The following PPP1R17 variants were observed in gnomAD, a reference collection of about 807,000 sequenced individuals.
PPP1R17 encodes the protein G-substrate.
Under a neutral mutation model 15.9 loss-of-function variants are expected in PPP1R17, and 12 were observed. The ratio of observed to expected loss-of-function variants is 0.75; its 90% confidence interval spans 0.48 to 1.22. PPP1R17 has a LOEUF of 1.22. Among genes scored for constraint, PPP1R17 ranks in the 50% most tolerant of loss-of-function variants. The pLI, the probability that PPP1R17 is intolerant of heterozygous loss-of-function variation, is 0.00. For synonymous variants in PPP1R17, 63 were observed against 64.5 expected (o/e 0.98, Z 0.11); for missense variants, 211 against 187.3 (o/e 1.13, Z -0.74).
At position 31,707,339 on chromosome 7, in the gene PPP1R17, C is replaced by A; in HGVS notation, c.*56C>A. 2.1e-6 allele frequency: 3 copies of A among 1,454,802 alleles called. No homozygotes were observed. The highest frequency in any genetic ancestry group is 3.9e-5 in the Admixed American group (2 of 50,778). 90.1% of individuals were successfully genotyped at this position (1,454,802 alleles called of 1,614,324 possible). On this transcript the variant is annotated 3_prime_UTR_variant, in exon 5 of 5. Coordinates refer to ENST00000342032, the MANE Select transcript of PPP1R17 (RefSeq NM_006658.5). ...GGTTAGATTGGTTCCCTGTGGTGAC[C>A]TAGAGAAAAAATAGACTTGTTTCTG...
At chr7:31,700,717 C>T (rs549413731) in intron 4 of PPP1R17, among the ~76,000 whole-genome samples, 24 of 152,174 alleles carry the variant, frequency 1.6e-4, no homozygotes, top group Admixed American at 1.2e-3. Context: ...GGGGATAATG[C>T]CCCGGTGACT....
At chr7:31,695,673 G>C (rs1160343828) in intron 3 of PPP1R17, 52 bp downstream of exon 3, 36 of 1,541,222 alleles carry the variant, frequency 2.3e-5, no homozygotes, top group Non-Finnish European at 3.1e-5. Context: ...CTTGCCACTA[G>C]GTTGCATTGT....
Position 31,696,952 on chromosome 7 carries a change from C to A in PPP1R17, c.236-13C>A, listed in dbSNP as rs200654787. The A allele has an allele frequency of 2.3e-4, 366 of 1,613,112 alleles. No homozygotes were observed. In the African/African-American group the frequency reaches 4.4e-3, roughly 19 times the overall value. On this transcript the variant is annotated splice_polypyrimidine_tract_variant and intron_variant, in intron 3 of 4. Transcript: ENST00000342032. The stretch of plus-strand genomic sequence containing the variant: ...TTGATCCTGTTTCTCTCTGTGTTCC[C>A]CTAACCATGCAGGTGTGTTTTCAGA...
At chr7:31,703,938 C>T (rs561657258) in intron 4 of PPP1R17, among the ~76,000 whole-genome samples, 5 of 152,312 alleles carry the variant, frequency 3.3e-5, no homozygotes, top group Admixed American at 3.3e-4. Flanking sequence ...CCTACAGTTG[C>T]CAGGGGCCCT....
At chr7:31,690,374 A>G (rs1056630675) in intron 1 of PPP1R17, among the ~76,000 whole-genome samples, 7 of 152,212 alleles carry the variant, frequency 4.6e-5, no homozygotes, top group Non-Finnish European at 1.0e-4. Flanking sequence ...TTTACAGATG[A>G]GGAAACTCAG....
At chr7:31,705,092 C>G (rs1248656499) in intron 4 of PPP1R17, among the ~76,000 whole-genome samples, 1 of 152,042 alleles carries the variant, frequency 6.6e-6, no homozygotes, top group Non-Finnish European at 1.5e-5. Flanking sequence ...GCTGGTTCAC[C>G]CTCTACTTGA....
chr7:31,698,844 G>T (rs556284496), intron 4 of PPP1R17, among the ~76,000 whole-genome samples: 1 of 152,302 alleles, frequency 6.6e-6, no homozygotes, highest in South Asian at 2.1e-4. Context: ...TTTAAGCAGA[G>T]ACCTCAGGAA....
rs748310389 is a variant in PPP1R17 at position 31,695,456 on chromosome 7, C to T, written c.83-13C>T. The T allele has an allele frequency of 4.4e-6, 7 of 1,588,786 alleles. No homozygotes were observed. Among genetic ancestry groups the T allele is most frequent in the Non-Finnish European group, 6.0e-6 (7 of 1,171,272 alleles). On this transcript the variant is annotated splice_polypyrimidine_tract_variant and intron_variant, in intron 2 of 4. Coordinates refer to ENST00000342032, the MANE Select transcript of PPP1R17 (RefSeq NM_006658.5). ...GTTATATTCTTTATTTCTTTGTATC[C>T]TGTCAAAATTAGATGATCTTTCAGA...
chr7:31,692,860 G>A (rs181846932), intron 2 of PPP1R17, among the ~76,000 whole-genome samples: 6 of 152,280 alleles, frequency 3.9e-5, no homozygotes, highest in Admixed American at 3.9e-4. Context: ...CTTGTTTCCA[G>A]TATTTCCTGA....
chr7:31,705,005 C>G (rs936182844), intron 4 of PPP1R17, among the ~76,000 whole-genome samples: 21 of 152,118 alleles, frequency 1.4e-4, no homozygotes, highest in African/African-American at 5.1e-4. Flanking sequence ...TCCATGAAAT[C>G]AAGATTTCTA....
intron 4 of PPP1R17, among the ~76,000 whole-genome samples, chr7:31,704,006 C>A (rs1365270644): frequency 2.0e-5 from 3 of 152,104 alleles, no homozygotes; most frequent in African/African-American, 7.2e-5. Flanking sequence ...TCTGGGTAAC[C>A]AAGGCCTGCT....
intron 3 of PPP1R17, 39 bp downstream of exon 3, chr7:31,695,660 C>G: frequency 6.4e-7 from 1 of 1,558,358 alleles, no homozygotes; most frequent in Non-Finnish European, 8.7e-7. Context: ...TAAAGGAGAG[C>G]CACTTGCCAC....
Position 31,690,777 on chromosome 7 carries a change from G to A in PPP1R17, c.-36-1629G>A, listed in dbSNP as rs116109260. Among the ~76,000 whole-genome samples, 546 of 152,286 alleles carry A rather than the reference G, an allele frequency of 3.6e-3. 2 individuals are homozygous for A. The highest frequency in any genetic ancestry group is 0.013 in the African/African-American group (522 of 41,558). The stretch of plus-strand genomic sequence containing the variant: ...AGGACCTTCAGTAGATAGTAAGTGC[G>A]TGGCTTCAAATGATTACTCTGATTC... On this transcript the variant is annotated intron_variant, in intron 1 of 4. Coordinates refer to ENST00000342032, the MANE Select transcript of PPP1R17 (RefSeq NM_006658.5).
At chr7:31,691,349 T>C (rs1393880978) in intron 1 of PPP1R17, among the ~76,000 whole-genome samples, 2 of 152,236 alleles carry the variant, frequency 1.3e-5, no homozygotes, top group Non-Finnish European at 2.9e-5. Context: ...ATCTGCATGC[T>C]GGTTGTCAAG....
chr7:31,691,089 C>T (rs921166597), intron 1 of PPP1R17, among the ~76,000 whole-genome samples: 4 of 152,100 alleles, frequency 2.6e-5, no homozygotes, highest in African/African-American at 9.7e-5. Flanking sequence ...AATCTCTATA[C>T]AAACACTGAA....
intron 4 of PPP1R17, among the ~76,000 whole-genome samples, chr7:31,703,248 A>G (rs1792928140): frequency 6.6e-6 from 1 of 152,190 alleles, no homozygotes; most frequent in South Asian, 2.1e-4. Flanking sequence ...CCATTTCTGA[A>G]GGTGAGGATT....
At chr7:31,694,314 G>A (rs1486669833) in intron 2 of PPP1R17, among the ~76,000 whole-genome samples, 3 of 151,602 alleles carry the variant, frequency 2.0e-5, no homozygotes, top group African/African-American at 7.3e-5. Context: ...AATATTTTGG[G>A]ACATCTGAAG....
intron 1 of PPP1R17, among the ~76,000 whole-genome samples, chr7:31,690,057 C>T (rs910650141): frequency 1.3e-4 from 20 of 152,190 alleles, no homozygotes; most frequent in African/African-American, 4.8e-4. Context: ...GGGCCTCTGA[C>T]ATGTTTGATT....
chr7:31,692,036 A>G (rs1231318009), intron 1 of PPP1R17, among the ~76,000 whole-genome samples: 2 of 152,100 alleles, frequency 1.3e-5, no homozygotes, highest in Non-Finnish European at 2.9e-5. Flanking sequence ...GCAGAACTCA[A>G]CAGAAAAAAC....
Sources: gnomAD v4.1 joint callset for allele counts (sites outside exome capture counted in the v4.1 genomes callset) on GRCh38, gnomAD v4.1.1 for gene constraint, MANE v1.5 for transcripts, NCBI Gene and HGNC (gene_info 2026-07-23, HGNC 2026-07-21) for gene names.